Variants in CFTR observed in about 807,000 individuals in gnomAD.
CFTR encodes the protein cystic fibrosis transmembrane conductance regulator.
In CFTR, 181 loss-of-function variants were observed where a neutral mutation model predicts 171.6. The ratio of observed to expected loss-of-function variants is 1.05; its 90% CI spans 0.93 to 1.19. The LOEUF (loss-of-function observed/expected upper bound fraction) is 1.19, where lower values mean the gene tolerates loss of function less well. Among genes scored for constraint, CFTR ranks in the 50% most tolerant of loss-of-function variants. CFTR has a pLI of 0.00. For synonymous variants in CFTR, 583 were observed against 608.0 expected (o/e 0.96, Z 0.60); for missense variants, 1,968 against 1,734.7 (o/e 1.13, Z -2.39).
At chr7:117,544,824 T>A (rs541516031) in intron 9 of CFTR, among the ~76,000 whole-genome samples, 2 of 152,362 alleles carry the variant, frequency 1.3e-5, no homozygotes, top group East Asian at 3.9e-4. Flanking sequence ...CACTACAACA[T>A]AGATTCTGCT....
chr7:117,507,594 T>G (rs1798441126), intron 2 of CFTR, among the ~76,000 whole-genome samples: 1 of 152,138 alleles, frequency 6.6e-6, no homozygotes, highest in Non-Finnish European at 1.5e-5. Flanking sequence ...CCAAATGTTA[T>G]GGATGGGAGG....
chr7:117,604,233 T>C (rs899131845), intron 17 of CFTR, among the ~76,000 whole-genome samples: 17 of 152,216 alleles, frequency 1.1e-4, no homozygotes, highest in African/African-American at 4.1e-4. Flanking sequence ...CTCAAAGTTA[T>C]ATGGTAGGGG....
intron 3 of CFTR, among the ~76,000 whole-genome samples, chr7:117,516,085 T>C (rs1338517025): frequency 1.3e-5 from 2 of 152,226 alleles, no homozygotes; most frequent in African/African-American, 2.4e-5. Flanking sequence ...CGATGAGATA[T>C]TAGTTCTTTC....
chr7:117,622,519 C>T (rs1792599618), intron 21 of CFTR, among the ~76,000 whole-genome samples: 1 of 152,042 alleles, frequency 6.6e-6, no homozygotes, highest in African/African-American at 2.4e-5. Context: ...TACATTGTGC[C>T]AGTTTTCTAG....
At chr7:117,642,335 G>A in intron 22 of CFTR, 103 bp from the exon 23 acceptor site, 1 of 1,154,034 alleles carries the variant, frequency 8.7e-7, no homozygotes. Flanking sequence ...CTGGTGACAG[G>A]ATAAAATATT....
chr7:117,652,379 T>TA (rs1793101611), intron 23 of CFTR, among the ~76,000 whole-genome samples: 2 of 152,202 alleles, frequency 1.3e-5, no homozygotes, highest in Admixed American at 6.6e-5. Context: ...AAAGAAATTT[T>TA]AAAATCCCTT....
At chr7:117,623,408 C>T (rs1260111657) in intron 21 of CFTR, among the ~76,000 whole-genome samples, 1 of 152,194 alleles carries the variant, frequency 6.6e-6, no homozygotes, top group Non-Finnish European at 1.5e-5. Context: ...AGGAGTTTGC[C>T]AATCCAGTCA....
At chr7:117,652,062 A>C (rs1178874727) in intron 23 of CFTR, among the ~76,000 whole-genome samples, 1 of 152,198 alleles carries the variant, frequency 6.6e-6, no homozygotes, top group Non-Finnish European at 1.5e-5. Flanking sequence ...TTGCTATTGC[A>C]CCGGCATTCC....
chr7:117,561,884 C>T (rs1294531878), intron 11 of CFTR, among the ~76,000 whole-genome samples: 1 of 152,032 alleles, frequency 6.6e-6, no homozygotes, highest in African/African-American at 2.4e-5. Context: ...AGGCTAATGT[C>T]CTCTGATGGA....
Position 117,536,611 on chromosome 7 carries a change from C to T in CFTR, c.807C>T (p.Ile269=). ...TTACCTCAGAAATGATTGAAAATAT[C>T]CAATCTGTTAAGGCATACTGCTGGG... ...LVITSEMIEN[I]QSVKAYCWEE... The change falls in exon 7 of 27, where the codon ATC becomes ATT. Residue 269 remains isoleucine (I), a synonymous_variant. Coordinates refer to ENST00000003084, the MANE Select transcript of CFTR (RefSeq NM_000492.4). 6.2e-7 allele frequency: 1 copy of T among 1,608,066 alleles called. No homozygotes were observed. Among genetic ancestry groups the T allele is most frequent in the Non-Finnish European group, 8.5e-7 (1 of 1,176,144 alleles).
intron 15 of CFTR, among the ~76,000 whole-genome samples, chr7:117,602,393 A>T (rs1792240109): frequency 6.6e-6 from 1 of 152,230 alleles, no homozygotes; most frequent in South Asian, 2.1e-4. Context: ...TAATTAATTG[A>T]TTTCACAAGT....
Position 117,559,444 on chromosome 7 carries a change from A to G in CFTR, c.1393-20A>G. ...AGCGTGATTTGATAATGACCTAATA[A>G]TGATGGGTTTTATTTCCAGACTTCA... On this transcript the variant is annotated intron_variant, in intron 10 of 26. Transcript: ENST00000003084. 4 of 1,525,194 alleles carry G rather than the reference A, an allele frequency of 2.6e-6. No homozygotes were observed. The highest frequency in any genetic ancestry group is 3.6e-6 in the Non-Finnish European group (4 of 1,100,670). 94.5% of individuals were successfully genotyped at this position (1,525,194 alleles called of 1,614,324 possible).
At chr7:117,581,685 G>A (rs763848650) in intron 11 of CFTR, among the ~76,000 whole-genome samples, 1 of 152,096 alleles carries the variant, frequency 6.6e-6, no homozygotes, top group Non-Finnish European at 1.5e-5. Context: ...TAGAAAACAG[G>A]TCATTTTGCT....
intron 10 of CFTR, among the ~76,000 whole-genome samples, chr7:117,550,247 TG>T (rs988648018): frequency 2.0e-5 from 3 of 150,938 alleles, no homozygotes; most frequent in African/African-American, 7.3e-5. Flanking sequence ...GAGGCTGAGG[TG>T]GGAGGATCAC....
chr7:117,490,332 C>CAG (rs1341017521), intron 1 of CFTR, among the ~76,000 whole-genome samples: 1 of 151,164 alleles, frequency 6.6e-6, no homozygotes, highest in Non-Finnish European at 1.5e-5. Flanking sequence ...CACACACACA[C>CAG]ACACACACAC....
At chr7:117,554,819 G>A (rs1029556540) in intron 10 of CFTR, among the ~76,000 whole-genome samples, 6 of 152,174 alleles carry the variant, frequency 3.9e-5, no homozygotes, top group African/African-American at 1.2e-4. Context: ...ATAATTAACC[G>A]GTGTCTTCTG....
At chr7:117,574,837 A>G (rs559348134) in intron 11 of CFTR, among the ~76,000 whole-genome samples, 1 of 152,244 alleles carries the variant, frequency 6.6e-6, no homozygotes, top group Non-Finnish European at 1.5e-5. Context: ...TAAAATTTAC[A>G]TAAATTGTAT....
At chr7:117,660,146 C>T (rs2116211741) in intron 24 of CFTR, among the ~76,000 whole-genome samples, 1 of 151,806 alleles carries the variant, frequency 6.6e-6, no homozygotes, top group Middle Eastern at 3.4e-3. Context: ...AATTCTTTTT[C>T]CTAAAGTTCT....
chr7:117,573,194 T>C (rs1791721459), intron 11 of CFTR, among the ~76,000 whole-genome samples: 1 of 152,176 alleles, frequency 6.6e-6, no homozygotes, highest in Non-Finnish European at 1.5e-5. Flanking sequence ...AGTTGAATAA[T>C]GTAAGCACTT....
Sources: allele counts gnomAD v4.1 joint callset (sites outside exome capture counted in the v4.1 genomes callset), GRCh38; gene constraint gnomAD v4.1.1; transcripts MANE v1.5; gene names NCBI Gene and HGNC (gene_info 2026-07-23, HGNC 2026-07-21).